MCC: variants seen among roughly 807,000 people sequenced by gnomAD.
MCC encodes colorectal mutant cancer protein.
MCC carries 90 observed loss-of-function variants against 116.2 expected under a neutral mutation model. The observed-to-expected ratio is 0.77, with a 90% CI of 0.65 to 0.92. The LOEUF is 0.92. Among genes scored for constraint, MCC ranks in the 40% least tolerant of loss-of-function variants. The probability of loss-of-function intolerance (pLI) is 0.00; values close to 1 mark genes in which losing one functional copy is unlikely to be tolerated. For missense variants in MCC, 1,516 were observed against 1,312.2 expected (o/e 1.16, Z -2.40); for synonymous variants, 578 against 510.5 (o/e 1.13, Z -1.78).
At chr5:113,303,024 G>C (rs1254574891) in intron 3 of MCC, among the ~76,000 whole-genome samples, 1 of 152,186 alleles carries the variant, frequency 6.6e-6, no homozygotes, top group Admixed American at 6.5e-5. Context: ...CAGGTAATGA[G>C]AGAAAGATAG....
At chr5:113,121,754 T>C (rs541919510) in intron 6 of MCC, among the ~76,000 whole-genome samples, 1 of 152,230 alleles carries the variant, frequency 6.6e-6, no homozygotes, top group African/African-American at 2.4e-5. Flanking sequence ...AAACTGACTA[T>C]ATGCAACTCT....
At chr5:113,393,177 T>C (rs908966751) in intron 1 of MCC, among the ~76,000 whole-genome samples, 1 of 152,160 alleles carries the variant, frequency 6.6e-6, no homozygotes, top group African/African-American at 2.4e-5. Context: ...CAAAGGGGGC[T>C]TGACATGCAT....
chr5:113,240,170 TAGGGAAGGACAGTC>T lies in MCC; in HGVS notation c.628-88762_628-88749del, dbSNP rs1764311892. 2.0e-5 allele frequency among the ~76,000 whole-genome samples: 3 copies of T among 152,262 alleles called. No individual in the cohort carries two copies. The South Asian group carries it at 6.2e-4, about 32-fold the overall frequency. ...CTCCTCTGCCTTCTGTGTGACTGCA[TAGGGAAGGACAGTC>T]AGGATACCCTTCTCCCCAGCAGAGT... On this transcript the variant is annotated intron_variant, in intron 3 of 18. Transcript: ENST00000408903.
chr5:113,042,235 G>A (rs1020348033), intron 17 of MCC, among the ~76,000 whole-genome samples: 3 of 150,596 alleles, frequency 2.0e-5, no homozygotes, highest in African/African-American at 7.3e-5. Context: ...ATTTTGGGAG[G>A]CCAAGATGGG....
chr5:113,479,702 C>T (rs444322), intron 1 of MCC, among the ~76,000 whole-genome samples: 104,640 of 151,896 alleles, frequency 0.69, 36,450 homozygotes, highest in East Asian at 0.88. Flanking sequence ...TCTTGGTAGG[C>T]TGATTGCTTT....
intron 3 of MCC, among the ~76,000 whole-genome samples, chr5:113,206,258 T>G (rs971660876): frequency 6.6e-6 from 1 of 152,172 alleles, no homozygotes; most frequent in Non-Finnish European, 1.5e-5. Flanking sequence ...CAGTGTATAC[T>G]CACTACCTTG....
At chr5:113,429,361 C>T (rs948872611) in intron 1 of MCC, among the ~76,000 whole-genome samples, 1 of 152,080 alleles carries the variant, frequency 6.6e-6, no homozygotes, top group Admixed American at 6.5e-5. Context: ...GAAAAGAGCA[C>T]ATTAGCCAGC....
chr5:113,027,074 G>A lies in MCC; in HGVS notation c.*228C>T, dbSNP rs549531811. The A allele has an allele frequency of 2.6e-5, 14 of 533,934 alleles. No individual in the cohort carries two copies. Among genetic ancestry groups the A allele is most frequent in the African/African-American group, 9.5e-5 (5 of 52,396 alleles). 33.1% of individuals were successfully genotyped at this position (533,934 alleles called of 1,614,324 possible). On this transcript the variant is annotated 3_prime_UTR_variant, in exon 19 of 19. Coordinates refer to ENST00000408903, the MANE Select transcript of MCC (RefSeq NM_001085377.2). The stretch of plus-strand genomic sequence containing the variant: ...GCAGGCACAGAACATGTGTTTACAC[G>A]CTGTTGTGGGCCCAGGAGGGAAGAG...
intron 3 of MCC, among the ~76,000 whole-genome samples, chr5:113,193,306 C>A (rs1762235823): frequency 6.8e-6 from 1 of 147,550 alleles, no homozygotes; most frequent in Non-Finnish European, 1.5e-5. Flanking sequence ...ATCCTTTTAC[C>A]ATGTAAGGTA....
chr5:113,158,269 C>T (rs1384122929), intron 3 of MCC, among the ~76,000 whole-genome samples: 2 of 152,210 alleles, frequency 1.3e-5, no homozygotes, highest in African/African-American at 4.8e-5. Context: ...AAAGTATGCA[C>T]AATTTTTGCT....
intron 8 of MCC, among the ~76,000 whole-genome samples, chr5:113,095,681 G>A (rs1452646500): frequency 2.0e-5 from 3 of 151,078 alleles, no homozygotes; most frequent in Admixed American, 2.0e-4. Flanking sequence ...ATCACACTTG[G>A]CTAATTAAAA....
chr5:113,339,229 AAAAAAAAACAAATAGTTTTAGAC>A (rs1049796608), intron 3 of MCC, among the ~76,000 whole-genome samples: 7 of 144,750 alleles, frequency 4.8e-5, no homozygotes, highest in African/African-American at 1.3e-4. Context: ...TCCATCTCAA[AAAAAAAAACAAATAGTTTTAGAC>A]AAAATTTGCA....
At chr5:113,216,814 G>A (rs964617894) in intron 3 of MCC, among the ~76,000 whole-genome samples, 1 of 152,162 alleles carries the variant, frequency 6.6e-6, no homozygotes, top group Non-Finnish European at 1.5e-5. Flanking sequence ...TCTGACTCCC[G>A]TTCACTAGCT....
At chr5:113,460,564 T>C (rs1228878127) in intron 1 of MCC, among the ~76,000 whole-genome samples, 2 of 152,200 alleles carry the variant, frequency 1.3e-5, no homozygotes, top group Admixed American at 1.3e-4. Context: ...TGGGGAACTG[T>C]GTGGGCCTGC....
chr5:113,246,819 G>A (rs1417476604), intron 3 of MCC, among the ~76,000 whole-genome samples: 1 of 152,218 alleles, frequency 6.6e-6, no homozygotes, highest in Non-Finnish European at 1.5e-5. Flanking sequence ...GGAGAGGCTT[G>A]CAATGCAGTG....
At chr5:113,197,121 T>C (rs924123982) in intron 3 of MCC, among the ~76,000 whole-genome samples, 6 of 152,194 alleles carry the variant, frequency 3.9e-5, no homozygotes, top group African/African-American at 1.4e-4. Flanking sequence ...GCCAGGGAGC[T>C]GTGGTGGGCT....
chr5:113,162,655 T>C (rs1760554638), intron 3 of MCC, among the ~76,000 whole-genome samples: 1 of 152,030 alleles, frequency 6.6e-6, no homozygotes, highest in African/African-American at 2.4e-5. Context: ...CACCACCACG[T>C]CCAACTAATT....
chr5:113,155,042 C>T (rs1172394185), intron 3 of MCC, among the ~76,000 whole-genome samples: 2 of 152,178 alleles, frequency 1.3e-5, no homozygotes, highest in African/African-American at 4.8e-5. Flanking sequence ...CCACTATCCT[C>T]ACATTCTTCC....
At chr5:113,316,027 G>T (rs1425893365) in intron 3 of MCC, among the ~76,000 whole-genome samples, 1 of 152,196 alleles carries the variant, frequency 6.6e-6, no homozygotes, top group Non-Finnish European at 1.5e-5. Flanking sequence ...GGAGGCTGAG[G>T]TGGGCAGATC....
Sources: gnomAD v4.1 joint callset for allele counts (sites outside exome capture counted in the v4.1 genomes callset) on GRCh38, gnomAD v4.1.1 for gene constraint, MANE v1.5 for transcripts, NCBI Gene and HGNC (gene_info 2026-07-23, HGNC 2026-07-21) for gene names.